The following FHIT variants were observed in gnomAD, a reference collection of about 807,000 sequenced individuals.
The protein encoded by FHIT is bis(5'-adenosyl)-triphosphatase.
A neutral mutation model predicts 17.9 loss-of-function variants in FHIT; 19 were observed. That is an observed-to-expected ratio of 1.06 (90% CI 0.74 to 1.56). The LOEUF is 1.56. Among genes scored for constraint, FHIT ranks in the 40% most tolerant of loss-of-function variants. FHIT has a pLI of 0.00. For missense variants in FHIT, 248 were observed against 189.2 expected (o/e 1.31, Z -1.82); for synonymous variants, 81 against 69.7 (o/e 1.16, Z -0.81).
chr3:60,199,770 G>A (rs186425280), intron 5 of FHIT, among the ~76,000 whole-genome samples: 2 of 152,188 alleles, frequency 1.3e-5, no homozygotes, highest in East Asian at 1.9e-4. Flanking sequence ...AGCACTCAAG[G>A]ATAAAGAAGA....
chr3:60,870,778 C>A (rs1035391802), intron 3 of FHIT, among the ~76,000 whole-genome samples: 1 of 152,062 alleles, frequency 6.6e-6, no homozygotes, highest in African/African-American at 2.4e-5. Context: ...CACAAAGGGG[C>A]CTTCTAGGTT....
At chr3:59,841,718 C>G (rs1375493888) in intron 8 of FHIT, among the ~76,000 whole-genome samples, 1 of 152,132 alleles carries the variant, frequency 6.6e-6, no homozygotes, top group Non-Finnish European at 1.5e-5. Context: ...TGCACACACA[C>G]ACTCCTGAAA....
chr3:60,387,318 A>T (rs1701052455), intron 5 of FHIT, among the ~76,000 whole-genome samples: 1 of 151,966 alleles, frequency 6.6e-6, no homozygotes, highest in Non-Finnish European at 1.5e-5. Flanking sequence ...CTCCCACACT[A>T]ATCTGCATTC....
chr3:60,473,824 G>A (rs555177126), intron 5 of FHIT, among the ~76,000 whole-genome samples: 11 of 152,132 alleles, frequency 7.2e-5, no homozygotes, highest in African/African-American at 1.7e-4. Flanking sequence ...TCAGGAGGCC[G>A]AGGCAGGAGA....
intron 5 of FHIT, among the ~76,000 whole-genome samples, chr3:60,273,190 TG>T (rs1180262809): frequency 6.6e-6 from 1 of 152,192 alleles, no homozygotes; most frequent in Non-Finnish European, 1.5e-5. Flanking sequence ...TTTAGAGATT[TG>T]GGGAATTCTC....
intron 3 of FHIT, among the ~76,000 whole-genome samples, chr3:60,983,137 G>C (rs532566092): frequency 2.1e-5 from 1 of 48,528 alleles, no homozygotes; most frequent in African/African-American, 7.5e-5. Context: ...CTTCTCTCTT[G>C]TGTGTGTGTG....
intron 3 of FHIT, among the ~76,000 whole-genome samples, chr3:60,946,964 G>T (rs1459952253): frequency 6.6e-6 from 1 of 152,190 alleles, no homozygotes; most frequent in Non-Finnish European, 1.5e-5. Context: ...TTTTTACTTT[G>T]ATTTGAACGA....
At chr3:60,966,429 G>A (rs1709748452) in intron 3 of FHIT, among the ~76,000 whole-genome samples, 1 of 152,180 alleles carries the variant, frequency 6.6e-6, no homozygotes, top group Admixed American at 6.5e-5. Context: ...CATGCTCCGT[G>A]GGCTGCACCC....
intron 2 of FHIT, among the ~76,000 whole-genome samples, chr3:61,064,829 A>C (rs1028667194): frequency 6.6e-6 from 1 of 151,992 alleles, no homozygotes; most frequent in Non-Finnish European, 1.5e-5. Context: ...AAAATTCATG[A>C]CCCTTGACTC....
At chr3:60,903,196 G>A (rs1018768021) in intron 3 of FHIT, among the ~76,000 whole-genome samples, 4 of 152,118 alleles carry the variant, frequency 2.6e-5, no homozygotes, top group Non-Finnish European at 4.4e-5. Flanking sequence ...AAGTGATGAC[G>A]GTGAGAGAGA....
intron 5 of FHIT, among the ~76,000 whole-genome samples, chr3:60,341,936 G>C (rs1453332934): frequency 6.6e-6 from 1 of 152,042 alleles, no homozygotes; most frequent in Non-Finnish European, 1.5e-5. Flanking sequence ...TGACCAGCGA[G>C]GATTAGAAAC....
chr3:60,408,622 G>T (rs1261406227), intron 5 of FHIT, among the ~76,000 whole-genome samples: 1 of 152,154 alleles, frequency 6.6e-6, no homozygotes, highest in Non-Finnish European at 1.5e-5. Flanking sequence ...GAAAAGAAAT[G>T]TTGACGGTTA....
At chr3:60,042,358 G>C (rs1701475900) in intron 5 of FHIT, among the ~76,000 whole-genome samples, 1 of 152,132 alleles carries the variant, frequency 6.6e-6, no homozygotes, top group Non-Finnish European at 1.5e-5. Flanking sequence ...GCTAGGACGA[G>C]CATAACAAAA....
chr3:60,222,269 C>T (rs1703999217), intron 5 of FHIT, among the ~76,000 whole-genome samples: 1 of 152,110 alleles, frequency 6.6e-6, no homozygotes, highest in Non-Finnish European at 1.5e-5. Context: ...GTCCTAGTCC[C>T]TCTTACTAGG....
intron 5 of FHIT, among the ~76,000 whole-genome samples, chr3:60,137,327 G>C (rs995694923): frequency 6.6e-6 from 1 of 152,180 alleles, no homozygotes. Flanking sequence ...GAGGCGGGGT[G>C]AGAGTCCCCC....
At chr3:60,274,820 A>T (rs538778264) in intron 5 of FHIT, among the ~76,000 whole-genome samples, 1 of 152,194 alleles carries the variant, frequency 6.6e-6, no homozygotes, top group Admixed American at 6.5e-5. Flanking sequence ...AGCACAGCCT[A>T]TGTATTGAAG....
rs73836619 is a variant in FHIT, at chr3:60,608,115, T to A, written c.-17-71136A>T. Among the ~76,000 whole-genome samples, 6 of 152,306 alleles carry A rather than the reference T, an allele frequency of 3.9e-5. No homozygotes were observed. In the East Asian group the frequency reaches 1.2e-3, roughly 29 times the overall value. ...GAGCCCTCAGGGGTGTACACTGTAA[T>A]GTCCATCTTCCCTCGTCTGCTCACG... On this transcript the variant is annotated intron_variant, in intron 4 of 9. Coordinates refer to ENST00000492590, the MANE Select transcript of FHIT (RefSeq NM_002012.4).
chr3:60,348,617 TCACAGGCACCTAGAC>T (rs201749535), intron 5 of FHIT, among the ~76,000 whole-genome samples: 2,045 of 152,286 alleles, frequency 0.013, 54 homozygotes, highest in African/African-American at 0.046. Flanking sequence ...TGGCAATAAG[TCACAGGCACCTAGAC>T]CACAGCTCTT....
chr3:60,980,175 CCAACAG>C (rs1293336251), intron 3 of FHIT, among the ~76,000 whole-genome samples: 1 of 152,150 alleles, frequency 6.6e-6, no homozygotes, highest in South Asian at 2.1e-4. Context: ...CATTCCATCT[CCAACAG>C]CAACTATCAG....
Sources: gnomAD v4.1 joint callset for allele counts (sites outside exome capture counted in the v4.1 genomes callset) on GRCh38, gnomAD v4.1.1 for gene constraint, MANE v1.5 for transcripts, NCBI Gene and HGNC (gene_info 2026-07-23, HGNC 2026-07-21) for gene names.